The following CPQ variants were observed in gnomAD, a reference collection of about 807,000 sequenced individuals.
CPQ encodes carboxypeptidase Q, also known as Ser-Met dipeptidase.
Under a neutral mutation model 45.7 loss-of-function variants are expected in CPQ, and 37 were observed. That is an observed-to-expected ratio of 0.81 (90% CI 0.62 to 1.07). The LOEUF is 1.07. Ranked by LOEUF, CPQ falls within the 50% of genes least tolerant of loss-of-function variation. The probability of loss-of-function intolerance (pLI) is 0.00; values close to 1 mark genes in which losing one functional copy is unlikely to be tolerated. For missense variants in CPQ, 537 were observed against 572.9 expected (o/e 0.94, Z 0.64); for synonymous variants, 186 against 205.8 (o/e 0.90, Z 0.82).
chr8:96,797,995 G>GA (rs1406767184), intron 2 of CPQ, among the ~76,000 whole-genome samples: 1 of 151,568 alleles, frequency 6.6e-6, no homozygotes, highest in East Asian at 1.9e-4. Context: ...AGTTTGCAGT[G>GA]AGCCTAGATT....
chr8:96,816,454 T>C (rs924084357), intron 2 of CPQ, among the ~76,000 whole-genome samples: 4 of 152,160 alleles, frequency 2.6e-5, no homozygotes, highest in Non-Finnish European at 4.4e-5. Flanking sequence ...CTCAAAGTCA[T>C]CCATGAGGGT....
At chr8:96,730,864 T>TGC (rs1178229903) in intron 1 of CPQ, among the ~76,000 whole-genome samples, 1 of 81,272 alleles carries the variant, frequency 1.2e-5, no homozygotes, top group Non-Finnish European at 2.8e-5. Flanking sequence ...TAACCATACA[T>TGC]ACATATATAT....
Position 96,780,913 on chromosome 8 carries a change from AAG to A in CPQ, c.-34-3946_-34-3945del, listed in dbSNP as rs1307785755. ...TATGTATGTGTGTGTCGGAGAGAGA[AAG>A]AGAGTGAGAATGAAAATCTGTGTGC... On this transcript the variant is annotated intron_variant, in intron 1 of 7. Transcript: ENST00000220763. 2.0e-5 allele frequency among the ~76,000 whole-genome samples: 3 copies of A among 152,068 alleles called. No individual in the cohort carries two copies. In the East Asian group the frequency reaches 5.8e-4, roughly 29 times the overall value.
At chr8:96,765,701 C>G (rs1457912512) in intron 1 of CPQ, among the ~76,000 whole-genome samples, 2 of 152,202 alleles carry the variant, frequency 1.3e-5, no homozygotes, top group East Asian at 3.8e-4. Context: ...TTCTTACCCA[C>G]TCTTTTCCAT....
intron 4 of CPQ, among the ~76,000 whole-genome samples, chr8:96,884,667 G>A (rs1812275592): frequency 6.6e-6 from 1 of 152,208 alleles, no homozygotes; most frequent in East Asian, 1.9e-4. Context: ...GAAAGGCAAT[G>A]TCTGGTGGAG....
intron 5 of CPQ, among the ~76,000 whole-genome samples, chr8:96,983,364 T>C (rs190460687): frequency 9.2e-5 from 14 of 152,364 alleles, no homozygotes; most frequent in Non-Finnish European, 1.9e-4. Context: ...TTTGAAATAG[T>C]GCCTTAAAGT....
chr8:96,902,652 T>C (rs1411711411), intron 4 of CPQ, among the ~76,000 whole-genome samples: 1 of 152,210 alleles, frequency 6.6e-6, no homozygotes, highest in Non-Finnish European at 1.5e-5. Flanking sequence ...CCTTGTCTGC[T>C]ACTATGTATC....
chr8:97,039,704 AT>A (rs1256490293), intron 6 of CPQ, among the ~76,000 whole-genome samples: 3 of 151,728 alleles, frequency 2.0e-5, no homozygotes, highest in Non-Finnish European at 4.4e-5. Flanking sequence ...TCATTGTTCA[AT>A]TCCCACCTAT....
chr8:96,885,574 A>G (rs536118041), intron 4 of CPQ, among the ~76,000 whole-genome samples: 4 of 152,230 alleles, frequency 2.6e-5, no homozygotes, highest in Non-Finnish European at 5.9e-5. Flanking sequence ...CCCAAAACCC[A>G]TGGGCAAAAT....
At chr8:96,882,292 G>A (rs1395944760) in intron 4 of CPQ, among the ~76,000 whole-genome samples, 1 of 152,174 alleles carries the variant, frequency 6.6e-6, no homozygotes, top group Non-Finnish European at 1.5e-5. Flanking sequence ...GAGAAACGGT[G>A]GTTTCAAATA....
chr8:96,763,099 G>A (rs1810424328), intron 1 of CPQ, among the ~76,000 whole-genome samples: 1 of 152,034 alleles, frequency 6.6e-6, no homozygotes, highest in Non-Finnish European at 1.5e-5. Context: ...GCCTGTCCCT[G>A]TCCAACTTTC....
intron 3 of CPQ, among the ~76,000 whole-genome samples, chr8:96,848,141 C>T (rs1053809782): frequency 4.6e-5 from 7 of 151,898 alleles, no homozygotes; most frequent in African/African-American, 1.2e-4. Flanking sequence ...GTTACTGCTC[C>T]GTAGAGTAAA....
chr8:96,810,310 C>A (rs1811145886), intron 2 of CPQ, among the ~76,000 whole-genome samples: 1 of 152,160 alleles, frequency 6.6e-6, no homozygotes, highest in Non-Finnish European at 1.5e-5. Flanking sequence ...TGGTGCCCAG[C>A]ATGTTGCTGA....
chr8:96,801,604 A>G (rs1169555544), intron 2 of CPQ, among the ~76,000 whole-genome samples: 1 of 152,144 alleles, frequency 6.6e-6, no homozygotes, highest in Non-Finnish European at 1.5e-5. Flanking sequence ...TTGTTATTAT[A>G]TAGTCCCTAG....
At chr8:96,971,110 C>G (rs1050803716) in intron 5 of CPQ, among the ~76,000 whole-genome samples, 4 of 152,146 alleles carry the variant, frequency 2.6e-5, no homozygotes, top group Admixed American at 6.5e-5. Flanking sequence ...TTTGAGGTGG[C>G]AGAACTGAGT....
chr8:96,827,037 A>G (rs1811388989), intron 2 of CPQ, among the ~76,000 whole-genome samples: 1 of 151,972 alleles, frequency 6.6e-6, no homozygotes, highest in African/African-American at 2.4e-5. Flanking sequence ...AAATCTTGCA[A>G]TGGTCCTTAA....
At chr8:96,737,530 G>A (rs998019133) in intron 1 of CPQ, among the ~76,000 whole-genome samples, 4 of 151,948 alleles carry the variant, frequency 2.6e-5, no homozygotes, top group Non-Finnish European at 4.4e-5. Flanking sequence ...TGTAGGCTGG[G>A]AGACTAGGCA....
At chr8:96,804,014 G>A (rs966885031) in intron 2 of CPQ, among the ~76,000 whole-genome samples, 1 of 152,184 alleles carries the variant, frequency 6.6e-6, no homozygotes, top group African/African-American at 2.4e-5. Flanking sequence ...GAGAAGAGGA[G>A]GAGTGATAAT....
At chr8:96,727,273 G>A (rs1268959310) in intron 1 of CPQ, among the ~76,000 whole-genome samples, 2 of 152,122 alleles carry the variant, frequency 1.3e-5, no homozygotes, top group African/African-American at 4.8e-5. Flanking sequence ...GAAAGAGCAA[G>A]CAGCTATTTA....
Sources: gnomAD v4.1 joint callset for allele counts (sites outside exome capture counted in the v4.1 genomes callset) on GRCh38, gnomAD v4.1.1 for gene constraint, MANE v1.5 for transcripts, NCBI Gene and HGNC (gene_info 2026-07-23, HGNC 2026-07-21) for gene names.